TENM2: variants seen among roughly 807,000 people sequenced by gnomAD.
TENM2 encodes teneurin-2.
In TENM2, 52 loss-of-function variants were observed where a neutral mutation model predicts 245.2. The observed-to-expected ratio is 0.21, with a 90% CI of 0.17 to 0.27. TENM2 has a LOEUF of 0.27. Among genes scored for constraint, TENM2 ranks in the 10% least tolerant of loss-of-function variants. The pLI is 1.00. For missense variants in TENM2, 3,046 were observed against 3,666.8 expected, an observed-to-expected ratio of 0.83 and a Z score of 4.37; for synonymous variants, 1,363 against 1,438.9, an observed-to-expected ratio of 0.95 and a Z score of 1.19.
At chr5:167,087,296 G>A in the TENM2 span, among the ~76,000 whole-genome samples, 1 of 152,186 alleles carries the variant, frequency 6.6e-6, no homozygotes. Context: ...GTGCCATTTA[G>A]TGCTCAACGC....
chr5:167,871,788 G>T (rs1017072758), intron 2 of TENM2, among the ~76,000 whole-genome samples: 1 of 152,084 alleles, frequency 6.6e-6, no homozygotes, highest in African/African-American at 2.4e-5. Context: ...GGAACAAGGT[G>T]AATGTCTATC....
At chr5:167,224,131 T>A in the TENM2 span, among the ~76,000 whole-genome samples, 1 of 152,118 alleles carries the variant, frequency 6.6e-6, no homozygotes, top group Non-Finnish European at 1.5e-5. Flanking sequence ...TTTTCTCCTT[T>A]TCAAAAGGTT....
chr5:168,156,260 A>C (rs994852282), intron 12 of TENM2, among the ~76,000 whole-genome samples: 2 of 150,736 alleles, frequency 1.3e-5, no homozygotes, highest in Admixed American at 1.3e-4. Context: ...AAAAAAAAAA[A>C]AAAAAACACT....
At chr5:167,408,570 C>A (rs1240984966) in intron 2 of TENM2, among the ~76,000 whole-genome samples, 1 of 151,918 alleles carries the variant, frequency 6.6e-6, no homozygotes, top group Admixed American at 6.6e-5. Flanking sequence ...TACTTTACTG[C>A]GGTCTTTATG....
chr5:167,358,126 C>T (rs747314633), intron 1 of TENM2, among the ~76,000 whole-genome samples: 2 of 152,200 alleles, frequency 1.3e-5, no homozygotes, highest in Non-Finnish European at 2.9e-5. Context: ...TACATTCACC[C>T]ACTTCTTCTA....
the TENM2 span, among the ~76,000 whole-genome samples, chr5:167,049,279 A>G: frequency 2.6e-5 from 4 of 152,244 alleles, no homozygotes; most frequent in African/African-American, 9.6e-5. Context: ...TTTTATTGAA[A>G]TGACACACGA....
chr5:167,559,441 C>G lies in TENM2; in HGVS notation c.502+183968C>G, dbSNP rs533218639. ...AGAGGCCACAACCATTAGTGGAGAT[C>G]AGTTCTCAAACCATTGCTTTAGGAA... is the stretch of plus-strand genomic sequence containing the variant. On this transcript the variant is annotated intron_variant, in intron 2 of 28. Coordinates refer to ENST00000518659, the Ensembl canonical transcript of TENM2. Among the ~76,000 whole-genome samples the G allele has an allele frequency of 7.2e-5, 11 of 152,314 alleles. No individual in the cohort carries two copies. In the East Asian group the frequency reaches 2.1e-3, roughly 29 times the overall value.
At chr5:167,638,093 GTGTGTGTGTGT>G (rs1779328435) in intron 2 of TENM2, among the ~76,000 whole-genome samples, 21 of 382 alleles carry the variant, frequency 0.055, no homozygotes, top group Middle Eastern at 0.5. Flanking sequence ...CAGGGCAGGT[GTGTGTGTGTGT>G]GTGTGTGTGT....
rs113505215 is a variant in TENM2 at position 167,683,260 on chromosome 5, T to TC, written c.503-192719dup. 1.6e-3 allele frequency among the ~76,000 whole-genome samples: 233 copies of TC among 147,902 alleles called. 1 individual carries two copies. Among genetic ancestry groups the TC allele is most frequent in the Admixed American group, 1.4e-3 (20 of 14,722 alleles). On this transcript the variant is annotated intron_variant, in intron 2 of 28. Coordinates refer to ENST00000518659, the Ensembl canonical transcript of TENM2. ...ATGAAGGACCATGTCTTTTTTTTTT[T>TC]CCCCCCCTGGGCATCAGAAATAAAA...
At chr5:167,371,340 T>C (rs1760416907) in intron 1 of TENM2, among the ~76,000 whole-genome samples, 1 of 149,968 alleles carries the variant, frequency 6.7e-6, no homozygotes, top group Non-Finnish European at 1.5e-5. Flanking sequence ...CCCTGTTTTT[T>C]TTTTTTTTCT....
At chr5:167,275,342 A>G in the TENM2 span, among the ~76,000 whole-genome samples, 2 of 152,068 alleles carry the variant, frequency 1.3e-5, no homozygotes, top group African/African-American at 4.8e-5. Flanking sequence ...TAGCTATTCC[A>G]GTTCTTGTGC....
chr5:167,342,000 A>G (rs1273652353), intron 1 of TENM2, among the ~76,000 whole-genome samples: 1 of 152,228 alleles, frequency 6.6e-6, no homozygotes, highest in Non-Finnish European at 1.5e-5. Context: ...TTAGATGTAC[A>G]GAATTATTGC....
At chr5:167,652,042 ACC>A (rs150935248) in intron 2 of TENM2, among the ~76,000 whole-genome samples, 5,028 of 152,120 alleles carry the variant, frequency 0.033, 158 homozygotes, top group East Asian at 0.19. Context: ...TATTTCACTA[ACC>A]TTTTTCTCTT....
intron 27 of TENM2, among the ~76,000 whole-genome samples, chr5:168,253,424 A>ATTTTTTT (rs200574779): frequency 7.2e-6 from 1 of 139,840 alleles, no homozygotes. Context: ...TGCATTCATT[A>ATTTTTTT]TTTTATTTTT....
chr5:167,924,855 C>T (rs1250451395), intron 3 of TENM2, among the ~76,000 whole-genome samples: 1 of 152,052 alleles, frequency 6.6e-6, no homozygotes, highest in Non-Finnish European at 1.5e-5. Flanking sequence ...TTCATAAGCC[C>T]CAGAATGCCT....
the TENM2 span, among the ~76,000 whole-genome samples, chr5:167,267,666 A>G: frequency 6.6e-6 from 1 of 152,160 alleles, no homozygotes; most frequent in Non-Finnish European, 1.5e-5. Context: ...AGAGACTTTC[A>G]TTTCCTTGAA....
At chr5:167,004,504 A>G in the TENM2 span, among the ~76,000 whole-genome samples, 2 of 152,246 alleles carry the variant, frequency 1.3e-5, no homozygotes, top group Non-Finnish European at 2.9e-5. Context: ...TCAGGCAGAA[A>G]GAAAACACAG....
intron 4 of TENM2, among the ~76,000 whole-genome samples, chr5:167,968,570 G>A (rs1185083443): frequency 6.6e-6 from 1 of 152,114 alleles, no homozygotes; most frequent in African/African-American, 2.4e-5. Flanking sequence ...CCAATAATAC[G>A]ACCTTTAAAT....
chr5:168,132,514 TG>T, intron 12 of TENM2, among the ~76,000 whole-genome samples: 1 of 152,368 alleles, frequency 6.6e-6, no homozygotes, highest in South Asian at 2.1e-4. Context: ...TACTCTGCGC[TG>T]TTCCCTTACT....
Sources: gnomAD v4.1 joint callset for allele counts (sites outside exome capture counted in the v4.1 genomes callset) on GRCh38, gnomAD v4.1.1 for gene constraint, MANE v1.5 for transcripts, NCBI Gene and HGNC (gene_info 2026-07-23, HGNC 2026-07-21) for gene names.